PTPRK: variants seen among roughly 807,000 people sequenced by gnomAD.
PTPRK encodes receptor-type tyrosine-protein phosphatase kappa.
PTPRK carries 75 observed loss-of-function variants against 178.0 expected under a neutral mutation model. That is an observed-to-expected ratio of 0.42 (90% CI 0.35 to 0.51). The LOEUF is 0.51. Among genes scored for constraint, PTPRK ranks in the 20% least tolerant of loss-of-function variants. The pLI is 0.02. For synonymous variants in PTPRK, 637 were observed against 620.6 expected (o/e 1.03, Z -0.39); for missense variants, 1,441 against 1,797.8 (o/e 0.80, Z 3.59).
At chr6:128,154,933 T>G (rs1797759376) in intron 7 of PTPRK, among the ~76,000 whole-genome samples, 4 of 151,908 alleles carry the variant, frequency 2.6e-5, no homozygotes, top group African/African-American at 7.2e-5. Context: ...AATTTGGATC[T>G]GAATAATGTC....
intron 1 of PTPRK, among the ~76,000 whole-genome samples, chr6:128,473,978 C>T (rs1230688170): frequency 6.6e-6 from 1 of 152,044 alleles, no homozygotes; most frequent in Non-Finnish European, 1.5e-5. Flanking sequence ...TGAATCACTC[C>T]TTTCCATGTA....
intron 3 of PTPRK, among the ~76,000 whole-genome samples, chr6:128,316,473 T>A (rs1267317253): frequency 1.3e-5 from 2 of 152,158 alleles, no homozygotes; most frequent in Admixed American, 1.3e-4. Flanking sequence ...CCACCCTACA[T>A]AAAAGCAGGT....
intron 2 of PTPRK, among the ~76,000 whole-genome samples, chr6:128,324,484 T>C (rs968705929): frequency 1.3e-5 from 2 of 152,142 alleles, no homozygotes; most frequent in African/African-American, 4.8e-5. Context: ...GCAAGGTATA[T>C]TCATTTGTAG....
chr6:128,118,164 C>T (rs113048426), intron 7 of PTPRK, among the ~76,000 whole-genome samples: 3,914 of 152,234 alleles, frequency 0.026, 76 homozygotes, highest in Middle Eastern at 0.092. Context: ...TGACCTATGA[C>T]TCAAATAACT....
chr6:128,380,552 A>ACT (rs1272138447), intron 2 of PTPRK, among the ~76,000 whole-genome samples: 6 of 142,616 alleles, frequency 4.2e-5, no homozygotes, highest in African/African-American at 1.6e-4. Flanking sequence ...ACACACACAC[A>ACT]CGTGTGTGTG....
intron 13 of PTPRK, among the ~76,000 whole-genome samples, chr6:128,018,319 A>C (rs908243099): frequency 6.6e-6 from 1 of 152,104 alleles, no homozygotes; most frequent in African/African-American, 2.4e-5. Context: ...TATACTGCTT[A>C]AAGTTTTAAA....
intron 2 of PTPRK, among the ~76,000 whole-genome samples, chr6:128,334,679 T>A (rs1830677933): frequency 6.6e-6 from 1 of 152,194 alleles, no homozygotes; most frequent in African/African-American, 2.4e-5. Context: ...TTTCTTCCTT[T>A]ATTAAACTTT....
intron 6 of PTPRK, among the ~76,000 whole-genome samples, chr6:128,203,605 T>C (rs1272892659): frequency 6.6e-6 from 1 of 152,040 alleles, no homozygotes; most frequent in Non-Finnish European, 1.5e-5. Context: ...TGTGAAAAAA[T>C]TGCTAGCAGT....
intron 2 of PTPRK, among the ~76,000 whole-genome samples, chr6:128,356,271 CAAT>C (rs1053059005): frequency 6.6e-6 from 1 of 152,130 alleles, no homozygotes; most frequent in Non-Finnish European, 1.5e-5. Flanking sequence ...GCAACAACAA[CAAT>C]TCAAGTCCAG....
intron 11 of PTPRK, among the ~76,000 whole-genome samples, chr6:128,074,335 T>G (rs1448876780): frequency 5.9e-5 from 9 of 152,218 alleles, no homozygotes; most frequent in Non-Finnish European, 1.3e-4. Flanking sequence ...AGAAACTATT[T>G]TGTGTTTTTA....
intron 18 of PTPRK, among the ~76,000 whole-genome samples, chr6:127,994,863 T>C (rs1331052180): frequency 6.6e-6 from 1 of 151,906 alleles, no homozygotes; most frequent in African/African-American, 2.4e-5. Flanking sequence ...GTCTCCCTAC[T>C]CATTTTAACG....
intron 6 of PTPRK, among the ~76,000 whole-genome samples, chr6:128,201,262 A>G (rs1314322833): frequency 1.3e-5 from 2 of 152,216 alleles, no homozygotes; most frequent in Admixed American, 1.3e-4. Flanking sequence ...AAAATCCAAG[A>G]AAAATGTTCA....
intron 7 of PTPRK, among the ~76,000 whole-genome samples, chr6:128,098,020 T>G (rs1270784262): frequency 6.6e-6 from 1 of 152,168 alleles, no homozygotes; most frequent in Admixed American, 6.5e-5. Context: ...GCCTCCTTTA[T>G]CCCTAAAAGA....
At chr6:128,370,631 T>G (rs1255048530) in intron 2 of PTPRK, among the ~76,000 whole-genome samples, 3 of 152,148 alleles carry the variant, frequency 2.0e-5, no homozygotes, top group Non-Finnish European at 4.4e-5. Flanking sequence ...GGTTTTAAAT[T>G]CAGGATTATC....
chr6:128,097,575 G>A (rs1788120955), intron 7 of PTPRK, among the ~76,000 whole-genome samples: 1 of 152,092 alleles, frequency 6.6e-6, no homozygotes, highest in African/African-American at 2.4e-5. Flanking sequence ...CAAAATGACG[G>A]TGACTGAAAA....
chr6:128,152,698 C>T (rs909062017), intron 7 of PTPRK, among the ~76,000 whole-genome samples: 1 of 151,880 alleles, frequency 6.6e-6, no homozygotes, highest in Non-Finnish European at 1.5e-5. Context: ...CTAGTTAAGT[C>T]CCCTAAGACG....
At chr6:128,102,374 A>T (rs1310777088) in intron 7 of PTPRK, among the ~76,000 whole-genome samples, 1 of 152,228 alleles carries the variant, frequency 6.6e-6, no homozygotes, top group African/African-American at 2.4e-5. Flanking sequence ...TAATAAAGTC[A>T]AAGCACTGTT....
At chr6:128,160,274 T>C (rs1207107400) in intron 7 of PTPRK, among the ~76,000 whole-genome samples, 1 of 151,610 alleles carries the variant, frequency 6.6e-6, no homozygotes, top group Non-Finnish European at 1.5e-5. Context: ...GGACAAAAAA[T>C]ACTACTCTTT....
chr6:127,993,626 C>T (rs935739828), intron 18 of PTPRK, among the ~76,000 whole-genome samples: 1 of 151,496 alleles, frequency 6.6e-6, no homozygotes, highest in African/African-American at 2.4e-5. Flanking sequence ...ATGAGTATTA[C>T]GTTATTGCAA....
Sources: allele counts gnomAD v4.1 joint callset (sites outside exome capture counted in the v4.1 genomes callset), GRCh38; gene constraint gnomAD v4.1.1; transcripts MANE v1.5; gene names NCBI Gene and HGNC (gene_info 2026-07-23, HGNC 2026-07-21).